SMU1: variants seen among roughly 807,000 people sequenced by gnomAD.
SMU1 encodes SMU1 DNA replication regulator and spliceosomal factor, also known as WD40 repeat-containing protein SMU1.
Under a neutral mutation model 62.0 loss-of-function variants are expected in SMU1, and 2 were observed. The ratio of observed to expected loss-of-function variants is 0.03; its 90% confidence interval spans 0.01 to 0.10. SMU1 has a LOEUF of 0.10. Among genes scored for constraint, SMU1 ranks in the 10% least tolerant of loss-of-function variants. The probability of loss-of-function intolerance (pLI) is 1.00; values close to 1 mark genes in which losing one functional copy is unlikely to be tolerated. For synonymous variants in SMU1, 188 were observed against 212.4 expected (o/e 0.89, Z 1.00); for missense variants, 227 against 622.1 (o/e 0.36, Z 6.76).
chr9:33,051,120 CAA>C (rs1225817487), intron 10 of SMU1, among the ~76,000 whole-genome samples: 3 of 37,944 alleles, frequency 7.9e-5, no homozygotes, highest in Admixed American at 2.8e-4. Flanking sequence ...GACTCTGTCT[CAA>C]AAAAAAAAAA....
intron 4 of SMU1, among the ~76,000 whole-genome samples, chr9:33,068,372 G>C (rs1839446229): frequency 1.3e-5 from 2 of 152,306 alleles, no homozygotes; most frequent in Admixed American, 1.3e-4. Flanking sequence ...CCAGGAAAGA[G>C]GGAGAGTGGA....
intron 10 of SMU1, among the ~76,000 whole-genome samples, chr9:33,050,051 C>T (rs1287641895): frequency 1.3e-5 from 2 of 152,142 alleles, no homozygotes; most frequent in Non-Finnish European, 2.9e-5. Flanking sequence ...ACTCTTAAAA[C>T]TCAACAGTAA....
At chr9:33,051,120 CAAAAAAAAAAAAAAAT>C (rs1839243434) in intron 10 of SMU1, among the ~76,000 whole-genome samples, 29 of 37,958 alleles carry the variant, frequency 7.6e-4, no homozygotes, top group African/African-American at 2.5e-3. Context: ...GACTCTGTCT[CAAAAAAAAAAAAAAAT>C]AAAAATAAAA....
chr9:33,052,500 G>A (rs2119425281), intron 10 of SMU1, among the ~76,000 whole-genome samples: 1 of 152,208 alleles, frequency 6.6e-6, no homozygotes, highest in East Asian at 1.9e-4. Context: ...TCAAAGAATG[G>A]AAAGAGAGTA....
chr9:33,063,355 T>A (rs1839384266), intron 4 of SMU1, among the ~76,000 whole-genome samples: 1 of 151,690 alleles, frequency 6.6e-6, no homozygotes, highest in Non-Finnish European at 1.5e-5. Flanking sequence ...AGAGTGAGAC[T>A]GTCTCCAAAA....
At chr9:33,075,733 C>T (rs937629042) in intron 1 of SMU1, among the ~76,000 whole-genome samples, 1 of 152,158 alleles carries the variant, frequency 6.6e-6, no homozygotes, top group Non-Finnish European at 1.5e-5. Context: ...TCCCTTCCTC[C>T]TATGAAAAGT....
chr9:33,061,697 C>G (rs1176926919), intron 5 of SMU1, among the ~76,000 whole-genome samples: 1 of 152,142 alleles, frequency 6.6e-6, no homozygotes, highest in Non-Finnish European at 1.5e-5. Flanking sequence ...ACATAGCAGG[C>G]AAAATAAAAA....
At position 33,071,732 on chromosome 9, in the gene SMU1, A is replaced by G; in HGVS notation, c.390+8T>C. The G allele has an allele frequency of 1.2e-6, 2 of 1,603,218 alleles. No homozygotes were observed. The highest frequency in any genetic ancestry group is 1.7e-6 in the Non-Finnish European group (2 of 1,177,056). ...ACAAAAAGTTCCTTTTCATTACCAC[A>G]GTCATACCTCACGAGGATCAAAGTA... On this transcript the variant is annotated splice_region_variant and intron_variant, in intron 3 of 11. Transcript: ENST00000397149.
chr9:33,060,381 T>C (rs1839349495), intron 6 of SMU1, 84 bp downstream of exon 6: 3 of 1,194,922 alleles, frequency 2.5e-6, no homozygotes, highest in Non-Finnish European at 3.5e-6. Context: ...CTTTTTCAAC[T>C]AATCTGATTT....
rs1466357278 is a variant in SMU1 at position 33,042,607 on chromosome 9, T to C, written c.*4686A>G. On this transcript the variant is annotated 3_prime_UTR_variant, in exon 12 of 12. Transcript: ENST00000397149. ...ACTGGTTCTTAACCTTGGCTACCAT[T>C]GGAATTACCCGGGAAACATTAAAAC... 6.6e-6 allele frequency: 1 copy of C among 152,180 alleles called. No homozygotes were observed. The highest frequency in any genetic ancestry group is 2.4e-5 in the African/African-American group (1 of 41,430). The allele number at this position is 152,180 out of a possible 1,614,324, so 9.4% of individuals were successfully genotyped here.
chr9:33,067,580 C>A (rs1025427146), intron 4 of SMU1, among the ~76,000 whole-genome samples: 1 of 150,142 alleles, frequency 6.7e-6, no homozygotes, highest in Admixed American at 6.7e-5. Context: ...CTCACTGCAA[C>A]CTCTGCCTCC....
intron 4 of SMU1, among the ~76,000 whole-genome samples, chr9:33,067,362 G>A (rs1473481255): frequency 6.6e-6 from 1 of 150,522 alleles, no homozygotes; most frequent in African/African-American, 2.5e-5. Context: ...TTCAGCTATG[G>A]AGCTAAGTCA....
rs1839551140 is a variant in SMU1, at chr9:33,076,668, C to G, written c.-60G>C. On this transcript the variant is annotated 5_prime_UTR_variant, in exon 1 of 12. Transcript: ENST00000397149. ...CCTCAAGGCCAGTCGCGCAACACAC[C>G]AACGACACCTCCGGCGGACACCTAA... The G allele has an allele frequency of 3.1e-5, 50 of 1,611,802 alleles. No individual in the cohort carries two copies. Among genetic ancestry groups the G allele is most frequent in the Non-Finnish European group, 4.2e-5 (49 of 1,178,990 alleles).
chr9:33,073,503 C>CAA, intron 2 of SMU1, 93 bp downstream of exon 2: 1 of 803,972 alleles, frequency 1.2e-6, no homozygotes, highest in Non-Finnish European at 2.1e-6. Flanking sequence ...GCAGCCCTAC[C>CAA]GTGCTTGAAG....
chr9:33,060,209 T>A (rs1000961609), intron 6 of SMU1, among the ~76,000 whole-genome samples: 1 of 152,104 alleles, frequency 6.6e-6, no homozygotes, highest in Non-Finnish European at 1.5e-5. Flanking sequence ...AGAGACGCGG[T>A]CTCACTATGC....
At chr9:33,059,292 C>T (rs1311076100) in intron 6 of SMU1, among the ~76,000 whole-genome samples, 5 of 152,000 alleles carry the variant, frequency 3.3e-5, no homozygotes, top group Non-Finnish European at 7.4e-5. Context: ...ACAGGATATT[C>T]CAGTAAAGTT....
rs747105715 is a variant in SMU1, at chr9:33,047,094, G to A, written c.*199C>T. 1.3e-5 allele frequency: 6 copies of A among 456,342 alleles called. No individual in the cohort carries two copies. The highest frequency in any genetic ancestry group is 4.1e-5 in the African/African-American group (2 of 48,334). The allele number at this position is 456,342 out of a possible 1,614,324, so 28.3% of individuals were successfully genotyped here. A position where few individuals can be genotyped will look rare whatever the true frequency, so the allele number is the denominator to read the frequency against. On this transcript the variant is annotated 3_prime_UTR_variant, in exon 12 of 12. Transcript: ENST00000397149. ...TAAGTGACTGCACCAGTTAGAAGAA[G>A]ATAAACTAATACCTTAAAAATATAT... is the stretch of plus-strand genomic sequence containing the variant.
At chr9:33,054,693 C>T (rs972027926) in intron 9 of SMU1, among the ~76,000 whole-genome samples, 1 of 152,206 alleles carries the variant, frequency 6.6e-6, no homozygotes, top group Non-Finnish European at 1.5e-5. Context: ...ATGGACTCTG[C>T]TGTGTTTCCT....
intron 5 of SMU1, among the ~76,000 whole-genome samples, chr9:33,061,688 C>A (rs1466186414): frequency 1.3e-5 from 2 of 152,190 alleles, no homozygotes; most frequent in African/African-American, 4.8e-5. Context: ...CTGCCTGACA[C>A]ATAGCAGGCA....
Sources: allele counts gnomAD v4.1 joint callset (sites outside exome capture counted in the v4.1 genomes callset), GRCh38; gene constraint gnomAD v4.1.1; transcripts MANE v1.5; gene names NCBI Gene and HGNC (gene_info 2026-07-23, HGNC 2026-07-21).